Variants in FAT3 observed in about 807,000 individuals in gnomAD.
FAT3 encodes the protein protocadherin Fat 3.
In FAT3, 95 loss-of-function variants were observed where a neutral mutation model predicts 310.2. The ratio of observed to expected loss-of-function variants is 0.31; its 90% confidence interval spans 0.26 to 0.36. The LOEUF is 0.36. Ranked by LOEUF, FAT3 falls within the 10% of genes least tolerant of loss-of-function variation. The pLI is 1.00. For missense variants in FAT3, 5,408 were observed against 5,715.6 expected (o/e 0.95, Z 1.74); for synonymous variants, 2,314 against 2,192.9 (o/e 1.06, Z -1.54).
chr11:92,394,157 C>T (rs1335662842), intron 2 of FAT3, among the ~76,000 whole-genome samples: 1 of 152,150 alleles, frequency 6.6e-6, no homozygotes, highest in Non-Finnish European at 1.5e-5. Flanking sequence ...GTGGTTAAGT[C>T]ACTGATAGAT....
At chr11:92,345,983 A>C (rs1948407710) in intron 1 of FAT3, among the ~76,000 whole-genome samples, 1 of 152,182 alleles carries the variant, frequency 6.6e-6, no homozygotes, top group Non-Finnish European at 1.5e-5. Flanking sequence ...AAGCTAAATT[A>C]TTGTGATTCA....
At chr11:92,688,188 G>C (rs1406603618) in intron 3 of FAT3, among the ~76,000 whole-genome samples, 1 of 151,990 alleles carries the variant, frequency 6.6e-6, no homozygotes, top group Non-Finnish European at 1.5e-5. Context: ...GACAGAGCGA[G>C]ACCCTGTCTT....
chr11:92,624,959 A>T (rs1370682826), intron 3 of FAT3, among the ~76,000 whole-genome samples: 11 of 152,164 alleles, frequency 7.2e-5, no homozygotes, highest in Non-Finnish European at 1.5e-5. Flanking sequence ...CTGTCTCTGT[A>T]TCCAGATTTT....
At chr11:92,631,544 G>T (rs954186166) in intron 3 of FAT3, among the ~76,000 whole-genome samples, 5 of 151,946 alleles carry the variant, frequency 3.3e-5, no homozygotes, top group African/African-American at 9.7e-5. Flanking sequence ...TTTGCTTTCT[G>T]TCTCTCCTGC....
chr11:92,425,109 G>T (rs1212852179), intron 2 of FAT3, among the ~76,000 whole-genome samples: 1 of 151,982 alleles, frequency 6.6e-6, no homozygotes, highest in Non-Finnish European at 1.5e-5. Flanking sequence ...TTTCTTTTTG[G>T]AATCTTTGGG....
At chr11:92,412,746 A>ATACACATATATATATATATAT (rs1591252852) in intron 2 of FAT3, among the ~76,000 whole-genome samples, 1 of 18,072 alleles carries the variant, frequency 5.5e-5, no homozygotes, top group Non-Finnish European at 1.1e-4. Context: ...TATATATATA[A>ATACACATATATATATATATAT]ATATACATAC....
intron 4 of FAT3, among the ~76,000 whole-genome samples, chr11:92,734,881 T>G (rs1280536913): frequency 6.6e-6 from 1 of 152,048 alleles, no homozygotes. Context: ...GGCTTGTGGA[T>G]AGAGGAAGAT....
chr11:92,862,930 G>A (rs1341978424), intron 21 of FAT3, among the ~76,000 whole-genome samples: 1 of 152,086 alleles, frequency 6.6e-6, no homozygotes, highest in Non-Finnish European at 1.5e-5. Flanking sequence ...TTTGGTTCTA[G>A]GCCTATGAAA....
At chr11:92,511,256 A>G (rs1267439511) in intron 2 of FAT3, among the ~76,000 whole-genome samples, 1 of 152,204 alleles carries the variant, frequency 6.6e-6, no homozygotes, top group African/African-American at 2.4e-5. Context: ...TGAAATTCAG[A>G]GCTTGAATTA....
At chr11:92,331,281 TTTC>T (rs1947916923) in intron 1 of FAT3, among the ~76,000 whole-genome samples, 1 of 146,618 alleles carries the variant, frequency 6.8e-6, no homozygotes, top group South Asian at 2.1e-4. Context: ...GTATGTTTTA[TTTC>T]TTCTTTTTTT....
At chr11:92,587,943 G>A (rs1157228325) in intron 3 of FAT3, among the ~76,000 whole-genome samples, 1 of 151,854 alleles carries the variant, frequency 6.6e-6, no homozygotes, top group African/African-American at 2.4e-5. Context: ...CTTAATAGTG[G>A]AATAAAAACA....
At chr11:92,261,568 C>G (rs773831914) in intron 1 of FAT3, among the ~76,000 whole-genome samples, 4 of 152,048 alleles carry the variant, frequency 2.6e-5, no homozygotes. Flanking sequence ...AAAAATCTAA[C>G]TGTGTGATTT....
At chr11:92,868,502 A>G (rs1225808004) in intron 22 of FAT3, among the ~76,000 whole-genome samples, 1 of 152,226 alleles carries the variant, frequency 6.6e-6, no homozygotes, top group African/African-American at 2.4e-5. Flanking sequence ...CCAGCCCATT[A>G]TGACAAGTCA....
chr11:92,606,685 C>T lies in FAT3; in HGVS notation c.3607+81737C>T, dbSNP rs192348504. ...TTTTCTGAGGTCGCTATAATTAAAT[C>T]ACATCTTAGAATTCAGGAAGCTGAG... is the stretch of plus-strand genomic sequence containing the variant. On this transcript the variant is annotated intron_variant, in intron 3 of 27. Coordinates refer to ENST00000525166, the MANE Select transcript of FAT3 (RefSeq NM_001367949.2). Among the ~76,000 whole-genome samples the T allele has an allele frequency of 2.0e-5, 3 of 152,328 alleles. No homozygotes were observed. In the East Asian group the frequency reaches 5.8e-4, roughly 29 times the overall value.
At chr11:92,280,544 A>T (rs1946393778) in intron 1 of FAT3, among the ~76,000 whole-genome samples, 1 of 152,172 alleles carries the variant, frequency 6.6e-6, no homozygotes. Context: ...GCCCTCAAAA[A>T]TATCTTTTCT....
At chr11:92,618,243 G>A (rs1406405232) in intron 3 of FAT3, among the ~76,000 whole-genome samples, 6 of 152,226 alleles carry the variant, frequency 3.9e-5, no homozygotes, top group Non-Finnish European at 5.9e-5. Flanking sequence ...TGTGCTAGCG[G>A]TGAGCGAGGC....
rs368518991 is a variant in FAT3 at position 92,697,421 on chromosome 11, A to G, written c.3645A>G (p.Glu1215=). 15 of 1,613,798 alleles carry G rather than the reference A, an allele frequency of 9.3e-6. No homozygotes were observed. Among genetic ancestry groups the G allele is most frequent in the Non-Finnish European group, 1.3e-5 (15 of 1,179,840 alleles). ...ITTTSRKLDR[E]QQAEHFLEVT... is the part of the protein sequence containing the mutation. ...CAACTTCAAGGAAATTGGATCGAGA[A>G]CAGCAGGCAGAACATTTTCTGGAGG... is the stretch of plus-strand genomic sequence containing the variant. The change falls in exon 4 of 28, where the codon GAA becomes GAG. Residue 1215 remains glutamate, a synonymous_variant. Transcript: ENST00000525166.
chr11:92,505,677 T>C (rs1035259316), intron 2 of FAT3, among the ~76,000 whole-genome samples: 3 of 152,100 alleles, frequency 2.0e-5, no homozygotes, highest in Non-Finnish European at 4.4e-5. Flanking sequence ...ACTAGGTGTT[T>C]GTTTGTTTGT....
intron 7 of FAT3, among the ~76,000 whole-genome samples, chr11:92,784,693 G>A (rs1393354206): frequency 6.6e-6 from 1 of 152,082 alleles, no homozygotes; most frequent in African/African-American, 2.4e-5. Context: ...TGTTAGTTCG[G>A]GAGCTCACAA....
Sources: allele counts gnomAD v4.1 joint callset (sites outside exome capture counted in the v4.1 genomes callset), GRCh38; gene constraint gnomAD v4.1.1; transcripts MANE v1.5; gene names NCBI Gene and HGNC (gene_info 2026-07-23, HGNC 2026-07-21).